Variants in PINX1 observed in about 807,000 individuals in gnomAD.
PINX1 encodes the protein PIN2 (TERF1) interacting telomerase inhibitor 1.
In PINX1, 34 loss-of-function variants were observed where a neutral mutation model predicts 25.4. The observed-to-expected ratio is 1.34, with a 90% confidence interval of 1.02 to 1.78. The LOEUF is 1.78. PINX1 is among the 40% of genes most tolerant of loss of function. The probability of loss-of-function intolerance (pLI) is 0.00; values close to 1 mark genes in which losing one functional copy is unlikely to be tolerated. For missense variants in PINX1, 592 were observed against 404.9 expected (o/e 1.46, Z -3.97); for synonymous variants, 197 against 147.7 (o/e 1.33, Z -2.42).
chr8:10,802,337 A>G (rs1422273463), intron 6 of PINX1, among the ~76,000 whole-genome samples: 1 of 152,146 alleles, frequency 6.6e-6, no homozygotes, highest in Non-Finnish European at 1.5e-5. Context: ...ATACACTGAT[A>G]CACTCATGAC....
At chr8:10,787,430 G>C (rs1264405631) in intron 6 of PINX1, 1 of 170,652 alleles carries the variant, frequency 5.9e-6, no homozygotes. Context: ...GATCTTGCTA[G>C]GTTGCCCGGG....
rs760904000 is a variant in PINX1 at position 10,765,588 on chromosome 8, T to C, written c.800A>G (p.Asp267Gly). 6.2e-7 allele frequency: 1 copy of C among 1,613,700 alleles called. No homozygotes were observed. The highest frequency in any genetic ancestry group is 1.1e-5 in the South Asian group (1 of 91,056). ...CTGAGCAGAGGCCTTGGAACTCTGG[T>C]CCCAGCAGGGGCCTCTGAGCTGCTC... ...AEEQLRGPCWDQSSKASAQDA... is the reference protein window; with the variant it reads ...AEEQLRGPCWGQSSKASAQDA... The change falls in exon 7 of 7, where the codon GAC (aspartate) becomes GGC (glycine). Residue 267 changes from aspartate (D) to glycine (G), a missense_variant. Asp to Gly is a moderately conservative substitution (Grantham distance 94, BLOSUM62 -1). Coordinates refer to ENST00000314787, the MANE Select transcript of PINX1 (RefSeq NM_017884.6).
At chr8:10,814,080 G>A (rs1390002634) in intron 6 of PINX1, among the ~76,000 whole-genome samples, 1 of 152,142 alleles carries the variant, frequency 6.6e-6, no homozygotes, top group Non-Finnish European at 1.5e-5. Context: ...GTCTCAAGGG[G>A]CCCTGGGAAT....
In PINX1 at chr8:10,814,992, T is replaced by A. The variant is rs78297575; in HGVS notation, c.471+5201A>T. Among the ~76,000 whole-genome samples the A allele has an allele frequency of 5.7e-3, 864 of 152,268 alleles. 17 individuals carry two copies. The highest frequency in any genetic ancestry group is 0.02 in the African/African-American group (820 of 41,544). ...TCTCACTCTGTGACCCAGGCTGGAG[T>A]GCGATGGCGTGATGATAGCTCACTG... On this transcript the variant is annotated intron_variant, in intron 6 of 6. Transcript: ENST00000314787.
intron 6 of PINX1, among the ~76,000 whole-genome samples, chr8:10,815,983 G>T (rs951984419): frequency 1.3e-5 from 2 of 152,188 alleles, no homozygotes; most frequent in Non-Finnish European, 2.9e-5. Context: ...CAAACGGAGA[G>T]ACCATGTGGT....
At position 10,833,093 on chromosome 8, in the gene PINX1, A is replaced by G. The variant is rs1316551763; in HGVS notation, c.130-109T>C. Reference sequence around the variant, plus strand: ...CTACGGCAGGTGTTCTGAGTTGATGATTCTCTCCATTAAATACTTTCACAA... The same window carrying G: ...CTACGGCAGGTGTTCTGAGTTGATGGTTCTCTCCATTAAATACTTTCACAA... On this transcript the variant is annotated intron_variant, in intron 2 of 6. Coordinates refer to ENST00000314787, the MANE Select transcript of PINX1 (RefSeq NM_017884.6). 3 of 623,976 alleles carry G rather than the reference A, an allele frequency of 4.8e-6. No individual in the cohort carries two copies. In the African/African-American group the frequency reaches 5.6e-5, roughly 12 times the overall value. The allele number at this position is 623,976 out of a possible 1,614,324, so 38.7% of individuals were successfully genotyped here. A position where few individuals can be genotyped will look rare whatever the true frequency, so the allele number is the denominator to read the frequency against.
At chr8:10,789,676 CA>C (rs1475462948) in intron 6 of PINX1, among the ~76,000 whole-genome samples, 1 of 152,188 alleles carries the variant, frequency 6.6e-6, no homozygotes, top group Non-Finnish European at 1.5e-5. Flanking sequence ...GCCAAAAACG[CA>C]AGCTGCTAAA....
intron 6 of PINX1, among the ~76,000 whole-genome samples, chr8:10,803,394 A>G (rs1192405956): frequency 6.6e-6 from 1 of 152,228 alleles, no homozygotes; most frequent in Non-Finnish European, 1.5e-5. Context: ...ACGTCTTTTT[A>G]TGGTTCAAAT....
rs373730161 is a variant in PINX1 at position 10,797,408 on chromosome 8, G to C, written c.471+22785C>G. 5.8e-4 allele frequency among the ~76,000 whole-genome samples: 88 copies of C among 152,302 alleles called. 1 individual carries two copies. Among genetic ancestry groups the C allele is most frequent in the African/African-American group, 1.9e-3 (81 of 41,552 alleles). ...TACTGCACTTAGCTCAAGCCTGCTAGCAGAGCCTCAAACAGTCAACAGTGG... is the reference window on the plus strand; with the variant it reads ...TACTGCACTTAGCTCAAGCCTGCTACCAGAGCCTCAAACAGTCAACAGTGG... On this transcript the variant is annotated intron_variant, in intron 6 of 6. Transcript: ENST00000314787.
chr8:10,776,814 C>T (rs10089869), intron 6 of PINX1, among the ~76,000 whole-genome samples: 31,205 of 152,082 alleles, frequency 0.21, 4,661 homozygotes, highest in African/African-American at 0.42. Context: ...ACGCTGGAGA[C>T]GCAGAGCTTT....
At position 10,776,588 on chromosome 8, in the gene PINX1, T is replaced by C. The variant is rs1294042548; in HGVS notation, c.472-10672A>G. Among the ~76,000 whole-genome samples the C allele has an allele frequency of 2.0e-5, 3 of 152,040 alleles. No individual in the cohort carries two copies. In the East Asian group the frequency reaches 5.8e-4, roughly 29 times the overall value. Reference sequence around the variant, plus strand: ...GCCAACCAATTTCTTCCAAAAATGGTAACACAGAATCAAAACTGAACTCCC... The same window carrying C: ...GCCAACCAATTTCTTCCAAAAATGGCAACACAGAATCAAAACTGAACTCCC... On this transcript the variant is annotated intron_variant, in intron 6 of 6. Transcript: ENST00000314787.
intron 6 of PINX1, among the ~76,000 whole-genome samples, chr8:10,789,259 T>A (rs540054554): frequency 3.3e-5 from 5 of 152,346 alleles, no homozygotes; most frequent in African/African-American, 1.2e-4. Context: ...TGAGGAGCCA[T>A]GCTGGACGAG....
At chr8:10,810,837 G>A (rs144534639) in intron 6 of PINX1, among the ~76,000 whole-genome samples, 228 of 152,348 alleles carry the variant, frequency 1.5e-3, no homozygotes, top group Admixed American at 4.4e-3. Flanking sequence ...TACCACTGCT[G>A]TAATGGCAAA....
chr8:10,835,254 T>C (rs1211639614), intron 1 of PINX1, among the ~76,000 whole-genome samples: 1 of 152,210 alleles, frequency 6.6e-6, no homozygotes, highest in Non-Finnish European at 1.5e-5. Context: ...CTCCAAACGC[T>C]GTACATAATA....
chr8:10,822,667 A>G (rs768154771), intron 5 of PINX1, among the ~76,000 whole-genome samples: 2 of 152,206 alleles, frequency 1.3e-5, no homozygotes, highest in Non-Finnish European at 2.9e-5. Flanking sequence ...AATACCAAGA[A>G]ATACACATGG....
chr8:10,776,782 T>C lies in PINX1; in HGVS notation c.472-10866A>G, dbSNP rs577273713. Among the ~76,000 whole-genome samples, 6 of 152,210 alleles carry C rather than the reference T, an allele frequency of 3.9e-5. No homozygotes were observed. In the East Asian group the frequency reaches 9.7e-4, roughly 25 times the overall value. Reference sequence around the variant, plus strand: ...CCTGTCACCAGAGTCGCCACCCTGCTCCCTTCAGACTACGGCTGGAGACGC... The same window carrying C: ...CCTGTCACCAGAGTCGCCACCCTGCCCCCTTCAGACTACGGCTGGAGACGC... On this transcript the variant is annotated intron_variant, in intron 6 of 6. Transcript: ENST00000314787.
At chr8:10,794,837 G>C (rs1802037878) in intron 6 of PINX1, among the ~76,000 whole-genome samples, 1 of 152,166 alleles carries the variant, frequency 6.6e-6, no homozygotes, top group Non-Finnish European at 1.5e-5. Context: ...TTTGTTTTTA[G>C]TGACATCAAT....
intron 6 of PINX1, among the ~76,000 whole-genome samples, chr8:10,775,410 G>GTTTTTTTTTTTTTTTTTT (rs143926728): frequency 4.6e-5 from 5 of 109,614 alleles, no homozygotes; most frequent in African/African-American, 9.6e-5. Flanking sequence ...CTGTTTTGTG[G>GTTTTTTTTTTTTTTTTTT]TTTTTTTTTT....
intron 4 of PINX1, among the ~76,000 whole-genome samples, chr8:10,830,648 TA>T: frequency 6.6e-6 from 1 of 152,198 alleles, no homozygotes; most frequent in Admixed American, 6.5e-5. Flanking sequence ...AAAATCCAAT[TA>T]AAAAATGGGC....
Sources: gnomAD v4.1 joint callset for allele counts (sites outside exome capture counted in the v4.1 genomes callset) on GRCh38, gnomAD v4.1.1 for gene constraint, MANE v1.5 for transcripts, NCBI Gene and HGNC (gene_info 2026-07-23, HGNC 2026-07-21) for gene names.